The following SNX31 variants were observed in gnomAD, a reference collection of about 807,000 sequenced individuals.
SNX31 encodes the protein sorting nexin 31.
A neutral mutation model predicts 65.4 loss-of-function variants in SNX31; 58 were observed. That is an observed-to-expected ratio of 0.89 (90% CI 0.72 to 1.10). The LOEUF is 1.10. Ranked by LOEUF, SNX31 falls within the 50% of genes least tolerant of loss-of-function variation. SNX31 has a pLI of 0.00. For synonymous variants in SNX31, 181 were observed against 190.1 expected, an observed-to-expected ratio of 0.95 and a Z score of 0.39; for missense variants, 523 against 529.7, an observed-to-expected ratio of 0.99 and a Z score of 0.12.
intron 8 of SNX31, among the ~76,000 whole-genome samples, chr8:100,603,629 G>T (rs549001613): frequency 5.9e-5 from 9 of 151,930 alleles, no homozygotes; most frequent in Non-Finnish European, 4.4e-5. Context: ...TAGAGATGGG[G>T]TTTCACCATG....
At chr8:100,662,703 AT>A (rs1323514450) in intron 1 of SNX31, among the ~76,000 whole-genome samples, 1 of 152,034 alleles carries the variant, frequency 6.6e-6, no homozygotes, top group Admixed American at 6.6e-5. Flanking sequence ...TCTCAAAAAA[AT>A]AAAATAAAAA....
intron 12 of SNX31, among the ~76,000 whole-genome samples, chr8:100,581,452 CAG>C (rs1226540817): frequency 6.6e-6 from 1 of 151,544 alleles, no homozygotes; most frequent in African/African-American, 2.4e-5. Context: ...TCTTCATAAA[CAG>C]AGCACAAGTT....
intron 13 of SNX31, among the ~76,000 whole-genome samples, chr8:100,574,918 A>AT (rs1812920937): frequency 6.6e-6 from 1 of 152,244 alleles, no homozygotes; most frequent in South Asian, 2.1e-4. Flanking sequence ...TGGGCAAGGG[A>AT]GCGAGACTCT....
intron 12 of SNX31, among the ~76,000 whole-genome samples, chr8:100,579,257 A>G (rs2130780236): frequency 6.6e-6 from 1 of 152,214 alleles, no homozygotes; most frequent in Admixed American, 6.5e-5. Context: ...AACCACTACA[A>G]ATGTTAAGCA....
upstream of SNX31, among the ~76,000 whole-genome samples, chr8:100,651,814 T>G (rs78486126): frequency 0.057 from 8,620 of 152,276 alleles, 358 homozygotes; most frequent in Non-Finnish European, 0.08. Flanking sequence ...AACTGAAGCA[T>G]AGGGCAATGA....
Position 100,584,189 on chromosome 8 carries a change from C to A in SNX31, c.1093-1G>T. Reference sequence around the variant, plus strand: ...TCAAGCAGCTACTCAGCAAAAAAGCCTAAGAAATGCAGGAATAAAGAACTC... The same window carrying A: ...TCAAGCAGCTACTCAGCAAAAAAGCATAAGAAATGCAGGAATAAAGAACTC... On this transcript the variant is annotated splice_acceptor_variant, in intron 11 of 13. Transcript: ENST00000311812. LOFTEE classifies it high-confidence loss of function. 1 of 1,592,578 alleles carries A rather than the reference C, an allele frequency of 6.3e-7. No individual in the cohort carries two copies.
chr8:100,657,753 G>A (rs1416342275), intron 1 of SNX31: 1 of 455,134 alleles, frequency 2.2e-6, no homozygotes, highest in South Asian at 1.5e-5. Flanking sequence ...GAAGAATGAA[G>A]TGGACTACTT....
intron 2 of SNX31, among the ~76,000 whole-genome samples, chr8:100,641,565 A>AAAAAAAAAAAAAAAATAT (rs1554587369): frequency 3.1e-5 from 1 of 32,108 alleles, no homozygotes; most frequent in Non-Finnish European, 5.3e-5. Context: ...AAAAAAAAAA[A>AAAAAAAAAAAAAAAATAT]ATATATATAT....
At chr8:100,597,900 C>G (rs986552436) in intron 9 of SNX31, among the ~76,000 whole-genome samples, 1 of 152,234 alleles carries the variant, frequency 6.6e-6, no homozygotes, top group Non-Finnish European at 1.5e-5. Context: ...GTGAACTCCA[C>G]TCTGTTCTTC....
chr8:100,651,814 T>C (rs78486126), upstream of SNX31, among the ~76,000 whole-genome samples: 1 of 152,170 alleles, frequency 6.6e-6, no homozygotes, highest in Non-Finnish European at 1.5e-5. Flanking sequence ...AACTGAAGCA[T>C]AGGGCAATGA....
At position 100,609,819 on chromosome 8, in the gene SNX31, C is replaced by T. The variant is rs781262910; in HGVS notation, c.612-1256G>A. On this transcript the variant is annotated intron_variant, in intron 7 of 13. Coordinates refer to ENST00000311812, the MANE Select transcript of SNX31 (RefSeq NM_152628.4). The surrounding 1 kb of genome is among the most constrained non-coding windows in gnomAD (Gnocchi z 4.9). ...GAGGCCCCTGTGTGCAGAGAATAGA[C>T]CCATCCCAGACTGGGGCTCCCACAG... Among the ~76,000 whole-genome samples, 1 of 152,142 alleles carries T rather than the reference C, an allele frequency of 6.6e-6. No homozygotes were observed. Among genetic ancestry groups the T allele is most frequent in the African/African-American group, 2.4e-5 (1 of 41,444 alleles).
At chr8:100,623,759 T>C (rs1028552915) in intron 4 of SNX31, among the ~76,000 whole-genome samples, 1 of 152,136 alleles carries the variant, frequency 6.6e-6, no homozygotes, top group African/African-American at 2.4e-5. Flanking sequence ...CATCTTCCAC[T>C]TCTCCTTCTC....
At chr8:100,651,466 T>C (rs1819971741), upstream of SNX31, among the ~76,000 whole-genome samples, 2 of 151,772 alleles carry the variant, frequency 1.3e-5, no homozygotes, top group African/African-American at 4.8e-5. Context: ...CCCCATGGCA[T>C]GTCCAAACAG....
chr8:100,608,093 T>C (rs963083608), intron 8 of SNX31, among the ~76,000 whole-genome samples: 2 of 152,246 alleles, frequency 1.3e-5, no homozygotes, highest in Non-Finnish European at 2.9e-5. Context: ...AGATGGATTG[T>C]TACAATGGAG....
At position 100,630,330 on chromosome 8, in the gene SNX31, C is replaced by T. The variant is rs1375262046; in HGVS notation, c.318G>A (p.Gln106=). ...DVFVEFLKLA[Q]LNTFDIATKK... ...CATTAAAGAAGAGCAAGCTTACCAG[C>T]TGCGCCAGTTTTAAAAACTCAACGA... Residue 106 remains glutamine, a synonymous_variant, in exon 4 of 14, where the codon CAG becomes CAA. Coordinates refer to ENST00000311812, the MANE Select transcript of SNX31 (RefSeq NM_152628.4). This position sits in a 1 kb window ranked among gnomAD's most constrained non-coding sequence, Gnocchi z 5.3. 1 of 1,613,418 alleles carries T rather than the reference C, an allele frequency of 6.2e-7. No individual in the cohort carries two copies. The highest frequency in any genetic ancestry group is 1.7e-5 in the Admixed American group (1 of 59,764).
intron 2 of SNX31, among the ~76,000 whole-genome samples, chr8:100,639,773 G>C (rs28805434): frequency 0.49 from 73,732 of 151,794 alleles, 18,255 homozygotes; most frequent in African/African-American, 0.57. Context: ...ATCTTAGATT[G>C]CAATACCATT....
chr8:100,597,466 TC>T (rs1282417491), intron 9 of SNX31, among the ~76,000 whole-genome samples: 3 of 152,166 alleles, frequency 2.0e-5, no homozygotes, highest in African/African-American at 7.2e-5. Flanking sequence ...GGTCTTGATC[TC>T]CCGACCTTGT....
chr8:100,653,258 A>G (rs1349221204), upstream of SNX31, among the ~76,000 whole-genome samples: 2 of 152,202 alleles, frequency 1.3e-5, no homozygotes, highest in Non-Finnish European at 2.9e-5. Flanking sequence ...ACATAGGAGA[A>G]CTACAAAATC....
intron 12 of SNX31, among the ~76,000 whole-genome samples, chr8:100,583,394 C>T (rs893343153): frequency 2.6e-5 from 4 of 151,952 alleles, no homozygotes; most frequent in South Asian, 2.1e-4. Flanking sequence ...CATGAGCCAC[C>T]ATGCCCGGCC....
Sources: gnomAD v4.1 joint callset for allele counts (sites outside exome capture counted in the v4.1 genomes callset) on GRCh38, gnomAD v4.1.1 for gene constraint, Gnocchi (gnomAD v3.1) non-coding constraint, MANE v1.5 for transcripts, NCBI Gene and HGNC (gene_info 2026-07-23, HGNC 2026-07-21) for gene names.